Variants in KCNH1 observed in about 807,000 individuals in gnomAD.
KCNH1 encodes the protein voltage-gated delayed rectifier potassium channel KCNH1.
KCNH1 carries 27 observed loss-of-function variants against 69.2 expected under a neutral mutation model. That is an observed-to-expected ratio of 0.39 (90% confidence interval 0.29 to 0.54). The LOEUF (loss-of-function observed/expected upper bound fraction) is 0.54, where lower values mean the gene tolerates loss of function less well. Ranked by LOEUF, KCNH1 falls within the 20% of genes least tolerant of loss-of-function variation. The pLI is 0.68. For missense variants in KCNH1, 798 were observed against 1,261.6 expected, an observed-to-expected ratio of 0.63 and a Z score of 5.57; for synonymous variants, 456 against 487.7, an observed-to-expected ratio of 0.93 and a Z score of 0.86.
intron 7 of KCNH1, among the ~76,000 whole-genome samples, chr1:210,832,063 T>G (rs1685172360): frequency 6.6e-6 from 1 of 152,204 alleles, no homozygotes; most frequent in Admixed American, 6.6e-5. Context: ...TCTCATGACC[T>G]GTTTGCCAAA....
chr1:211,053,046 A>T (rs1690233723), intron 5 of KCNH1, among the ~76,000 whole-genome samples: 1 of 152,262 alleles, frequency 6.6e-6, no homozygotes, highest in Non-Finnish European at 1.5e-5. Context: ...ATTTTTATTT[A>T]TATGTTAAAA....
intron 6 of KCNH1, among the ~76,000 whole-genome samples, chr1:210,954,475 G>A (rs1259691186): frequency 1.3e-5 from 2 of 152,178 alleles, no homozygotes; most frequent in African/African-American, 2.4e-5. Context: ...ATGAGGAATT[G>A]CCACACTGTC....
chr1:210,833,926 A>G (rs1022196208), intron 7 of KCNH1, among the ~76,000 whole-genome samples: 18 of 152,386 alleles, frequency 1.2e-4, no homozygotes, highest in South Asian at 4.1e-4. Context: ...CAAAAAACAC[A>G]TGAAAAAATG....
intron 5 of KCNH1, among the ~76,000 whole-genome samples, chr1:211,021,251 A>G (rs1007472636): frequency 6.6e-6 from 1 of 152,154 alleles, no homozygotes; most frequent in Non-Finnish European, 1.5e-5. Flanking sequence ...ACAAATCACC[A>G]CTAAAGAACT....
chr1:210,697,021 T>C (rs561740162), intron 10 of KCNH1, among the ~76,000 whole-genome samples: 2 of 152,222 alleles, frequency 1.3e-5, no homozygotes, highest in Non-Finnish European at 2.9e-5. Context: ...GAAACTATTA[T>C]TAGTCCTCTT....
At chr1:210,771,429 G>C (rs1683752035) in intron 10 of KCNH1, among the ~76,000 whole-genome samples, 1 of 152,194 alleles carries the variant, frequency 6.6e-6, no homozygotes, top group African/African-American at 2.4e-5. Flanking sequence ...GGCCAGCAAT[G>C]GATTCCACTT....
chr1:211,016,865 C>T (rs555446137), intron 6 of KCNH1, among the ~76,000 whole-genome samples: 51 of 135,812 alleles, frequency 3.8e-4, no homozygotes, highest in East Asian at 2.3e-3. Flanking sequence ...GCTGAGATCA[C>T]ACCACGACAT....
In KCNH1 at chr1:211,006,219, G is replaced by A. The variant is rs554014867; in HGVS notation, c.1032+12564C>T. 3.9e-5 allele frequency among the ~76,000 whole-genome samples: 6 copies of A among 152,198 alleles called. No homozygotes were observed. The East Asian group carries it at 9.6e-4, about 24-fold the overall frequency. ...TATTTACCAAACAATATACATACAC[G>A]TATAGCCCAGCAATTCTACTCTTTC... On this transcript the variant is annotated intron_variant, in intron 6 of 10. Coordinates refer to ENST00000271751, the MANE Select transcript of KCNH1 (RefSeq NM_172362.3).
intron 6 of KCNH1, among the ~76,000 whole-genome samples, chr1:210,922,241 G>A (rs558844434): frequency 1.3e-5 from 2 of 151,920 alleles, no homozygotes; most frequent in Non-Finnish European, 2.9e-5. Context: ...ACTTAGCCAG[G>A]CGTGGTGGCA....
At chr1:210,685,280 G>C (rs1401876934) in intron 10 of KCNH1, among the ~76,000 whole-genome samples, 1 of 152,188 alleles carries the variant, frequency 6.6e-6, no homozygotes, top group African/African-American at 2.4e-5. Flanking sequence ...TGTCTTTTTA[G>C]TGTAAATTTC....
At chr1:210,960,241 C>T (rs895508100) in intron 6 of KCNH1, among the ~76,000 whole-genome samples, 1 of 152,188 alleles carries the variant, frequency 6.6e-6, no homozygotes, top group African/African-American at 2.4e-5. Flanking sequence ...CCAGCCTCCT[C>T]CAAGAAGTAA....
chr1:211,007,028 T>C (rs1371013462), intron 6 of KCNH1, among the ~76,000 whole-genome samples: 2 of 152,158 alleles, frequency 1.3e-5, no homozygotes, highest in East Asian at 3.8e-4. Context: ...TATTTCTTTA[T>C]TTCTACATCT....
At chr1:210,996,871 G>A (rs1188328896) in intron 6 of KCNH1, among the ~76,000 whole-genome samples, 2 of 152,208 alleles carry the variant, frequency 1.3e-5, no homozygotes, top group African/African-American at 4.8e-5. Context: ...AGCCACCGCT[G>A]TTCTGCAGCC....
Position 210,806,824 on chromosome 1 carries a change from A to ATATATATAT in KCNH1, c.1463-2659_1463-2658insATATATATA, listed in dbSNP as rs1387980426. ...ATCTCTACCAAAAAAAAAAAAAAAA[A>ATATATATAT]AAAAAAAAAAAAATATATATATATA... On this transcript the variant is annotated intron_variant, in intron 7 of 10. Coordinates refer to ENST00000271751, the MANE Select transcript of KCNH1 (RefSeq NM_172362.3). 8.9e-4 allele frequency among the ~76,000 whole-genome samples: 40 copies of ATATATATAT among 44,916 alleles called. 2 individuals carry two copies. Among genetic ancestry groups the ATATATATAT allele is most frequent in the East Asian group, 6.5e-3 (6 of 920 alleles). 29.5% of individuals were successfully genotyped at this position (44,916 alleles called of 152,430 possible).
chr1:210,987,616 A>G (rs1038808470), intron 6 of KCNH1, among the ~76,000 whole-genome samples: 7 of 151,362 alleles, frequency 4.6e-5, no homozygotes, highest in African/African-American at 9.7e-5. Flanking sequence ...TGAACCGCAA[A>G]TGCTGCTGCC....
At chr1:210,867,341 AC>A (rs1350558621) in intron 7 of KCNH1, among the ~76,000 whole-genome samples, 2 of 126,472 alleles carry the variant, frequency 1.6e-5, no homozygotes, top group Admixed American at 7.8e-5. Flanking sequence ...ACACACACAC[AC>A]ACACACACAC....
chr1:210,986,169 A>C (rs577739396), intron 6 of KCNH1, among the ~76,000 whole-genome samples: 1 of 152,254 alleles, frequency 6.6e-6, no homozygotes, highest in East Asian at 1.9e-4. Flanking sequence ...TTTTGAGCCT[A>C]TGTGTGTCTC....
intron 2 of KCNH1, among the ~76,000 whole-genome samples, chr1:211,105,207 T>C (rs1691329521): frequency 1.3e-5 from 2 of 152,196 alleles, no homozygotes; most frequent in Non-Finnish European, 2.9e-5. Flanking sequence ...GAAAGAAGAA[T>C]AGATCAAGAC....
chr1:211,046,163 A>G (rs1238312145), intron 5 of KCNH1, among the ~76,000 whole-genome samples: 2 of 152,214 alleles, frequency 1.3e-5, no homozygotes, highest in Non-Finnish European at 2.9e-5. Flanking sequence ...GGCTATTGTG[A>G]ATAATACTGC....
Sources: allele counts gnomAD v4.1 joint callset (sites outside exome capture counted in the v4.1 genomes callset), GRCh38; gene constraint gnomAD v4.1.1; transcripts MANE v1.5; gene names NCBI Gene and HGNC (gene_info 2026-07-23, HGNC 2026-07-21).